PAK5: variants seen among roughly 807,000 people sequenced by gnomAD.
PAK5 encodes the protein serine/threonine-protein kinase PAK 5.
Under a neutral mutation model 65.9 loss-of-function variants are expected in PAK5, and 16 were observed. The ratio of observed to expected loss-of-function variants is 0.24; its 90% CI spans 0.16 to 0.37. The LOEUF is 0.37. Ranked by LOEUF, PAK5 falls within the 10% of genes least tolerant of loss-of-function variation. The pLI is 1.00. For synonymous variants in PAK5, 371 were observed against 354.9 expected, an observed-to-expected ratio of 1.05 and a Z score of -0.51; for missense variants, 785 against 903.9, an observed-to-expected ratio of 0.87 and a Z score of 1.69.
chr20:9,828,807 G>C (rs189214860), intron 1 of PAK5, among the ~76,000 whole-genome samples: 5 of 152,182 alleles, frequency 3.3e-5, no homozygotes, highest in African/African-American at 9.6e-5. Context: ...TCTTATATTT[G>C]GAACCAAAGG....
intron 1 of PAK5, among the ~76,000 whole-genome samples, chr20:9,828,077 C>T (rs1456689715): frequency 6.6e-6 from 1 of 152,104 alleles, no homozygotes; most frequent in African/African-American, 2.4e-5. Flanking sequence ...CCAGGTAATC[C>T]ACCCACCTCG....
chr20:9,614,965 G>A (rs1159805297), intron 3 of PAK5, among the ~76,000 whole-genome samples: 1 of 152,094 alleles, frequency 6.6e-6, no homozygotes. Context: ...AGATCAATTT[G>A]TTCAAAATTA....
chr20:9,769,249 A>G (rs1285766744), intron 1 of PAK5, among the ~76,000 whole-genome samples: 3 of 152,228 alleles, frequency 2.0e-5, no homozygotes, highest in Admixed American at 1.3e-4. Context: ...GAAGCAGGAC[A>G]TATTTCCAGC....
intron 2 of PAK5, among the ~76,000 whole-genome samples, chr20:9,665,616 G>T (rs1172189047): frequency 2.6e-5 from 4 of 151,754 alleles, no homozygotes; most frequent in African/African-American, 9.7e-5. Flanking sequence ...CTGATTAGCT[G>T]GGACTACAGT....
chr20:9,766,724 G>GT (rs1308232369), intron 1 of PAK5, among the ~76,000 whole-genome samples: 2 of 151,614 alleles, frequency 1.3e-5, no homozygotes, highest in Non-Finnish European at 2.9e-5. Context: ...AATCTAAGAT[G>GT]TTAGAAACTT....
intron 2 of PAK5, among the ~76,000 whole-genome samples, chr20:9,654,475 C>G (rs746379323): frequency 4.6e-5 from 7 of 152,208 alleles, no homozygotes; most frequent in Non-Finnish European, 7.3e-5. Context: ...TCACTGCTCT[C>G]TCCATGTCAG....
chr20:9,831,973 G>T (rs1569105599), intron 1 of PAK5, among the ~76,000 whole-genome samples: 1 of 151,952 alleles, frequency 6.6e-6, no homozygotes, highest in Admixed American at 6.6e-5. Flanking sequence ...ATATGTAGTA[G>T]TGCATTTTGT....
At chr20:9,621,704 C>T (rs1310022268) in intron 3 of PAK5, among the ~76,000 whole-genome samples, 6 of 152,104 alleles carry the variant, frequency 3.9e-5, no homozygotes, top group Admixed American at 2.6e-4. Flanking sequence ...TGGTGGCTGA[C>T]GGGCAATGGC....
chr20:9,770,457 C>G (rs1261198754), intron 1 of PAK5, among the ~76,000 whole-genome samples: 1 of 152,138 alleles, frequency 6.6e-6, no homozygotes, highest in Non-Finnish European at 1.5e-5. Context: ...TACTCGGCAG[C>G]TCTAAGGACC....
chr20:9,542,927 C>T (rs887345522), intron 8 of PAK5, among the ~76,000 whole-genome samples: 1 of 152,194 alleles, frequency 6.6e-6, no homozygotes, highest in Non-Finnish European at 1.5e-5. Context: ...AGTGAAGGTT[C>T]CACCCATCAG....
chr20:9,591,799 T>C (rs1014965656), intron 3 of PAK5, among the ~76,000 whole-genome samples: 4 of 152,100 alleles, frequency 2.6e-5, no homozygotes, highest in African/African-American at 9.7e-5. Flanking sequence ...CAAGAAAAAT[T>C]TACCTTTGCA....
Position 9,668,326 on chromosome 20 carries a change from A to AT in PAK5, c.-11-23988dup, listed in dbSNP as rs200799840. ...ATTTTGAGCCTAATGGAGTATTTTC[A>AT]TTTTTTTTCCTTTGTGATATGTTGC... On this transcript the variant is annotated intron_variant, in intron 2 of 9. Transcript: ENST00000353224. 7.5e-3 allele frequency among the ~76,000 whole-genome samples: 1,133 copies of AT among 152,040 alleles called. 12 individuals carry two copies. The highest frequency in any genetic ancestry group is 0.026 in the African/African-American group (1,065 of 41,490).
intron 2 of PAK5, among the ~76,000 whole-genome samples, chr20:9,665,083 C>CTTTTTTTTTTTTTTTTTTTTT (rs1555910631): frequency 2.3e-5 from 1 of 42,576 alleles, no homozygotes; most frequent in African/African-American, 1.1e-4. Context: ...CTAAATTTTT[C>CTTTTTTTTTTTTTTTTTTTTT]TGTTTTTTTT....
intron 2 of PAK5, among the ~76,000 whole-genome samples, chr20:9,680,229 C>A (rs1312557000): frequency 6.6e-6 from 1 of 152,156 alleles, no homozygotes; most frequent in East Asian, 1.9e-4. Context: ...AAAATGCTCA[C>A]AAAAGGAGAT....
At chr20:9,766,301 C>CTACTTGAATATATATATATTT in intron 1 of PAK5, among the ~76,000 whole-genome samples, 1 of 143,550 alleles carries the variant, frequency 7.0e-6, no homozygotes, top group Non-Finnish European at 1.5e-5. Flanking sequence ...TATATATATT[C>CTACTTGAATATATATATATTT]TACTTGAATA....
chr20:9,559,696 G>C (rs942315755), intron 6 of PAK5, among the ~76,000 whole-genome samples: 2 of 152,160 alleles, frequency 1.3e-5, no homozygotes, highest in African/African-American at 4.8e-5. Flanking sequence ...CTGGGAGGCA[G>C]AGGTTGCAGT....
intron 4 of PAK5, among the ~76,000 whole-genome samples, chr20:9,576,681 A>C (rs1487401686): frequency 2.0e-5 from 3 of 152,216 alleles, no homozygotes; most frequent in Non-Finnish European, 2.9e-5. Context: ...CAGGCTTTGC[A>C]CCCACAGAAG....
intron 3 of PAK5, among the ~76,000 whole-genome samples, chr20:9,598,732 T>C (rs561333601): frequency 5.9e-5 from 9 of 152,376 alleles, no homozygotes; most frequent in African/African-American, 1.9e-4. Context: ...TTATTTCATA[T>C]GCTTGTTGGC....
intron 3 of PAK5, among the ~76,000 whole-genome samples, chr20:9,639,721 C>A (rs774642598): frequency 2.6e-5 from 4 of 152,214 alleles, no homozygotes; most frequent in Non-Finnish European, 5.9e-5. Flanking sequence ...AAAGCCCATA[C>A]TAGTGAGTAA....
Sources: allele counts gnomAD v4.1 joint callset (sites outside exome capture counted in the v4.1 genomes callset), GRCh38; gene constraint gnomAD v4.1.1; transcripts MANE v1.5; gene names NCBI Gene and HGNC (gene_info 2026-07-23, HGNC 2026-07-21).